RBBP5: variants seen among roughly 807,000 people sequenced by gnomAD.
The protein encoded by RBBP5 is RB binding protein 5, histone lysine methyltransferase complex subunit, also known as retinoblastoma-binding protein 5.
Under a neutral mutation model 72.2 loss-of-function variants are expected in RBBP5, and 5 were observed. The ratio of observed to expected loss-of-function variants is 0.07; its 90% CI spans 0.04 to 0.15. RBBP5 has a LOEUF of 0.15. Ranked by LOEUF, RBBP5 falls within the 10% of genes least tolerant of loss-of-function variation. The pLI is 1.00. For missense variants in RBBP5, 322 were observed against 652.2 expected (o/e 0.49, Z 5.51); for synonymous variants, 209 against 237.2 (o/e 0.88, Z 1.09).
intron 10 of RBBP5, among the ~76,000 whole-genome samples, chr1:205,098,721 T>A (rs562138224): frequency 1.3e-5 from 2 of 151,804 alleles, no homozygotes; most frequent in Non-Finnish European, 2.9e-5. Context: ...GGCAGGCACC[T>A]GTAATCCCAG....
intron 3 of RBBP5, among the ~76,000 whole-genome samples, chr1:205,112,096 T>C (rs903686991): frequency 2.0e-5 from 3 of 152,130 alleles, no homozygotes; most frequent in African/African-American, 7.2e-5. Flanking sequence ...GGCAAGCAGA[T>C]TACCTGAGGT....
chr1:205,116,037 C>A, intron 1 of RBBP5, 154 bp from the exon 2 acceptor site: 1 of 1,492,904 alleles, frequency 6.7e-7, no homozygotes, highest in Non-Finnish European at 9.2e-7. Flanking sequence ...TTTCAAGATC[C>A]TGCTAAGATG....
At chr1:205,101,819 T>C in intron 5 of RBBP5, 110 bp from the exon 6 acceptor site, 1 of 720,838 alleles carries the variant, frequency 1.4e-6, no homozygotes, top group Non-Finnish European at 2.3e-6. Flanking sequence ...CAAATGTCTC[T>C]ATTCCCATAT....
At chr1:205,110,148 T>C (rs1409585822) in intron 3 of RBBP5, among the ~76,000 whole-genome samples, 3 of 151,830 alleles carry the variant, frequency 2.0e-5, no homozygotes, top group Non-Finnish European at 4.4e-5. Flanking sequence ...GCCTCCCGAG[T>C]AGCTGGGATT....
chr1:205,107,509 C>T (rs1407612089), intron 3 of RBBP5, among the ~76,000 whole-genome samples: 2 of 151,990 alleles, frequency 1.3e-5, no homozygotes, highest in Admixed American at 6.6e-5. Context: ...CAGGAATAAA[C>T]GGGTAAACTG....
chr1:205,094,422 C>T (rs531590156), intron 13 of RBBP5, among the ~76,000 whole-genome samples: 1 of 152,296 alleles, frequency 6.6e-6, no homozygotes, highest in Non-Finnish European at 1.5e-5. Context: ...CCACAGTGAA[C>T]CAGTCAAGGA....
At chr1:205,113,973 C>CCG (rs1656423715) in intron 3 of RBBP5, among the ~76,000 whole-genome samples, 1 of 152,232 alleles carries the variant, frequency 6.6e-6, no homozygotes, top group Non-Finnish European at 1.5e-5. Context: ...GCGTGAACCA[C>CCG]CGCGCCTGGC....
At chr1:205,092,918 G>A (rs1375119117) in intron 13 of RBBP5, among the ~76,000 whole-genome samples, 3 of 152,166 alleles carry the variant, frequency 2.0e-5, no homozygotes, top group South Asian at 2.1e-4. Context: ...GGATAGACAC[G>A]TTTTAAGAAG....
chr1:205,119,155 G>A (rs1656642243), intron 1 of RBBP5, among the ~76,000 whole-genome samples: 1 of 152,128 alleles, frequency 6.6e-6, no homozygotes, highest in Non-Finnish European at 1.5e-5. Flanking sequence ...CACTTTCAGA[G>A]GCCAAGGTGG....
rs761660120 is a variant in RBBP5 at position 205,100,081 on chromosome 1, G to T, written c.753-17C>A. On this transcript the variant is annotated splice_polypyrimidine_tract_variant and intron_variant, in intron 7 of 13. Transcript: ENST00000264515. ...CATGGGGTCCTAAAGGACAAGGAAA[G>T]TACCAAGGAGAGCTGGAACTCAAGC... The T allele has an allele frequency of 3.5e-5, 56 of 1,613,640 alleles. No individual in the cohort carries two copies. Among genetic ancestry groups the T allele is most frequent in the Non-Finnish European group, 4.6e-5 (54 of 1,179,576 alleles).
intron 1 of RBBP5, among the ~76,000 whole-genome samples, chr1:205,117,362 A>G (rs1299562149): frequency 6.6e-6 from 1 of 152,048 alleles, no homozygotes; most frequent in South Asian, 2.1e-4. Flanking sequence ...CCTAGTCCTT[A>G]CAAATTTATG....
intron 1 of RBBP5, among the ~76,000 whole-genome samples, chr1:205,117,155 G>A (rs550233577): frequency 1.8e-4 from 27 of 152,054 alleles, no homozygotes; most frequent in African/African-American, 6.3e-4. Flanking sequence ...AAGTTCAAGC[G>A]CTTCTCCTGC....
Position 205,093,297 on chromosome 1 carries a change from T to TA in RBBP5, c.1588+1575dup, listed in dbSNP as rs531034831. ...CAACATAGTGAAACCCCGTCTCTAC[T>TA]AAAAAAACACAAAATTAGCCAAGCA... On this transcript the variant is annotated intron_variant, in intron 13 of 13. Coordinates refer to ENST00000264515, the MANE Select transcript of RBBP5 (RefSeq NM_005057.4). 4.2e-3 allele frequency among the ~76,000 whole-genome samples: 621 copies of TA among 149,202 alleles called. 6 individuals carry two copies. Among genetic ancestry groups the TA allele is most frequent in the African/African-American group, 0.014 (581 of 40,560 alleles).
At chr1:205,095,996 C>T (rs1218971443) in intron 12 of RBBP5, among the ~76,000 whole-genome samples, 2 of 152,032 alleles carry the variant, frequency 1.3e-5, no homozygotes, top group Non-Finnish European at 2.9e-5. Context: ...AGTTCGAGAC[C>T]AGCCTGGCCA....
intron 3 of RBBP5, among the ~76,000 whole-genome samples, chr1:205,110,165 G>A (rs1225060964): frequency 1.3e-5 from 2 of 151,752 alleles, no homozygotes; most frequent in Admixed American, 1.3e-4. Context: ...GATTACAGGC[G>A]CATGTCACCG....
chr1:205,097,021 T>C, intron 11 of RBBP5, 110 bp from the exon 12 acceptor site: 1 of 973,504 alleles, frequency 1.0e-6, no homozygotes, highest in Non-Finnish European at 1.5e-6. Flanking sequence ...GGTATGGATC[T>C]AGAACTTTAA....
intron 3 of RBBP5, 32 bp downstream of exon 3, chr1:205,114,757 C>T: frequency 1.4e-6 from 2 of 1,464,616 alleles, no homozygotes; most frequent in East Asian, 2.5e-5. Context: ...TCATTCTCCT[C>T]ATATTTAAAT....
chr1:205,115,333 G>T (rs1656478338), intron 2 of RBBP5, among the ~76,000 whole-genome samples: 1 of 151,786 alleles, frequency 6.6e-6, no homozygotes, highest in African/African-American at 2.4e-5. Flanking sequence ...TAAACAAAAA[G>T]AATTTAAAAG....
chr1:205,106,977 T>C (rs1398210199), intron 3 of RBBP5, among the ~76,000 whole-genome samples: 1 of 151,870 alleles, frequency 6.6e-6, no homozygotes, highest in Non-Finnish European at 1.5e-5. Flanking sequence ...GGGAAAGAAT[T>C]AGCAAACTGG....
Sources: gnomAD v4.1 joint callset for allele counts (sites outside exome capture counted in the v4.1 genomes callset) on GRCh38, gnomAD v4.1.1 for gene constraint, MANE v1.5 for transcripts, NCBI Gene and HGNC (gene_info 2026-07-23, HGNC 2026-07-21) for gene names.